The following EFCAB7 variants were observed in gnomAD, a reference collection of about 807,000 sequenced individuals.
The protein encoded by EFCAB7 is EF-hand calcium binding domain 7.
In EFCAB7, 66 loss-of-function variants were observed where a neutral mutation model predicts 77.1. The observed-to-expected ratio is 0.86, with a 90% CI of 0.70 to 1.05. EFCAB7 has a LOEUF of 1.05. EFCAB7 is among the 50% of genes least tolerant of loss of function. The pLI is 0.00. For missense variants in EFCAB7, 638 were observed against 730.5 expected, an observed-to-expected ratio of 0.87 and a Z score of 1.46; for synonymous variants, 225 against 243.3, an observed-to-expected ratio of 0.92 and a Z score of 0.70.
intron 2 of EFCAB7, among the ~76,000 whole-genome samples, chr1:63,526,953 C>T (rs955757550): frequency 1.3e-5 from 2 of 152,080 alleles, no homozygotes; most frequent in Admixed American, 1.3e-4. Flanking sequence ...TTAGTAGAGA[C>T]GGGGTTTTGC....
At position 63,544,013 on chromosome 1, in the gene EFCAB7, A is replaced by G. The variant is rs563078121; in HGVS notation, c.805-1903A>G. On this transcript the variant is annotated intron_variant, in intron 6 of 13. Transcript: ENST00000371088. ...GAGACAGAGGCTCACTCTGTCTCCCAGGCTGGAGTGTAGTGGCATGATCAT... is the reference window on the plus strand; with the variant it reads ...GAGACAGAGGCTCACTCTGTCTCCCGGGCTGGAGTGTAGTGGCATGATCAT... Among the ~76,000 whole-genome samples, 6 of 134,438 alleles carry G rather than the reference A, an allele frequency of 4.5e-5. No individual in the cohort carries two copies. The East Asian group carries it at 1.3e-3, about 29-fold the overall frequency. The allele number at this position is 134,438 out of a possible 152,430, so 88.2% of individuals were successfully genotyped here.
intron 8 of EFCAB7, among the ~76,000 whole-genome samples, chr1:63,552,951 CTTTGT>C (rs975037192): frequency 8.6e-5 from 13 of 152,034 alleles, no homozygotes; most frequent in Admixed American, 1.3e-4. Context: ...GCTGTTTCCA[CTTTGT>C]TTTGGGTAAA....
At chr1:63,562,223 CTG>C (rs1647110302) in intron 11 of EFCAB7, among the ~76,000 whole-genome samples, 1 of 151,342 alleles carries the variant, frequency 6.6e-6, no homozygotes, top group Non-Finnish European at 1.5e-5. Context: ...AATAAGGAGA[CTG>C]TGTCTGCATT....
At chr1:63,561,508 A>G (rs762368138) in intron 10 of EFCAB7, among the ~76,000 whole-genome samples, 2 of 152,192 alleles carry the variant, frequency 1.3e-5, no homozygotes, top group African/African-American at 2.4e-5. Context: ...GTACTACGAT[A>G]TATCTATGCT....
intron 11 of EFCAB7, among the ~76,000 whole-genome samples, chr1:63,565,030 A>T (rs1429853844): frequency 6.6e-6 from 1 of 152,158 alleles, no homozygotes; most frequent in East Asian, 1.9e-4. Context: ...TTGAAACTGG[A>T]CCCCTTCCTT....
At chr1:63,565,031 C>T (rs111505133) in intron 11 of EFCAB7, among the ~76,000 whole-genome samples, 2,690 of 152,248 alleles carry the variant, frequency 0.018, 96 homozygotes, top group African/African-American at 0.061. Context: ...TGAAACTGGA[C>T]CCCTTCCTTA....
chr1:63,533,669 A>C lies in EFCAB7; in HGVS notation c.682+20A>C. The C allele has an allele frequency of 6.6e-7, 1 of 1,506,224 alleles. No homozygotes were observed. 93.3% of individuals were successfully genotyped at this position (1,506,224 alleles called of 1,614,324 possible). ...ATAAAGGTATTTACTTTTAACACTA[A>C]GAATTTCTTGATCAGAAATGAAGAG... On this transcript the variant is annotated intron_variant, in intron 5 of 13. Transcript: ENST00000371088.
intron 10 of EFCAB7, among the ~76,000 whole-genome samples, chr1:63,559,324 A>AAT (rs1247120086): frequency 6.6e-6 from 1 of 151,152 alleles, no homozygotes; most frequent in Admixed American, 6.6e-5. Flanking sequence ...AAAAAAAAAA[A>AAT]ATAGAAATCT....
At chr1:63,575,091 TAAAA>T (rs1185210671), downstream of EFCAB7, among the ~76,000 whole-genome samples, 3 of 152,128 alleles carry the variant, frequency 2.0e-5, no homozygotes, top group Admixed American at 6.5e-5. Context: ...ATTAGCAAAT[TAAAA>T]AAACTAATTA....
At chr1:63,550,087 A>C (rs1646947594) in intron 7 of EFCAB7, 3 of 152,270 alleles carry the variant, frequency 2.0e-5, no homozygotes, top group Admixed American at 2.0e-4. Flanking sequence ...TCTGACAAAA[A>C]ATTTTAAGCC....
intron 11 of EFCAB7, 29 bp from the exon 12 acceptor site, chr1:63,568,281 G>T: frequency 6.5e-7 from 1 of 1,536,154 alleles, no homozygotes; most frequent in Non-Finnish European, 8.8e-7. Flanking sequence ...CTATCAAAAG[G>T]CTGAAACAAG....
chr1:63,528,963 CA>C (rs144879638), intron 2 of EFCAB7, among the ~76,000 whole-genome samples: 17 of 148,872 alleles, frequency 1.1e-4, no homozygotes, highest in Admixed American at 3.3e-4. Flanking sequence ...ATTTTAGAGG[CA>C]AAAAAAAAAT....
chr1:63,554,758 A>G (rs1647009710), intron 8 of EFCAB7, among the ~76,000 whole-genome samples: 1 of 152,200 alleles, frequency 6.6e-6, no homozygotes, highest in South Asian at 2.1e-4. Context: ...TTTATTTGGG[A>G]TTCTGTGTCT....
At chr1:63,535,764 G>A (rs755885237) in intron 6 of EFCAB7, among the ~76,000 whole-genome samples, 65 of 151,944 alleles carry the variant, frequency 4.3e-4, no homozygotes, top group Non-Finnish European at 8.2e-4. Flanking sequence ...TATATACAAA[G>A]GACATTAATA....
intron 8 of EFCAB7, among the ~76,000 whole-genome samples, chr1:63,552,839 C>G (rs1646982784): frequency 1.3e-5 from 2 of 152,106 alleles, no homozygotes; most frequent in South Asian, 4.1e-4. Flanking sequence ...CAAGAATAGG[C>G]AAGAAACAAA....
rs567853569 is a variant in EFCAB7 at position 63,525,190 on chromosome 1, G to T, written c.-1-382G>T. On this transcript the variant is annotated intron_variant, in intron 1 of 13. Coordinates refer to ENST00000371088, the MANE Select transcript of EFCAB7 (RefSeq NM_032437.4). ...TCCTCTTAAAAACCTGATGAAGACT[G>T]TCATCTGACTTTCGTATTTTGAGAG... Among the ~76,000 whole-genome samples the T allele has an allele frequency of 8.5e-5, 13 of 152,220 alleles. No homozygotes were observed. In the South Asian group the frequency reaches 2.7e-3, roughly 32 times the overall value.
At chr1:63,549,776 A>G (rs1176326103) in intron 7 of EFCAB7, 1 of 168,782 alleles carries the variant, frequency 5.9e-6, no homozygotes, top group Non-Finnish European at 1.3e-5. Flanking sequence ...TTGGCAAAAT[A>G]AATATTTAAA....
intron 2 of EFCAB7, 64 bp downstream of exon 2, chr1:63,525,823 G>GTT: frequency 8.9e-7 from 1 of 1,126,580 alleles, no homozygotes; most frequent in South Asian, 1.6e-5. Context: ...AGGTCCGAAA[G>GTT]ACTGAAATTA....
rs762670690 is a variant in EFCAB7, at chr1:63,531,961, C to A, written c.329C>A (p.Ser110Ter). ...ACTTCAAAAGCAGAACTACTAAAAT[C>A]ATTTAAGCAATTAGATGTAAATGAT... is the stretch of plus-strand genomic sequence containing the variant. ...KPTSKAELLK[S>*]FKQLDVNDDG... The change falls in exon 3 of 14, where the codon TCA (serine) becomes TAA (stop). Residue 110 changes from serine (S) to a stop codon, truncating the protein, a stop_gained. Transcript: ENST00000371088. LOFTEE classifies it high-confidence loss of function. The A allele has an allele frequency of 5.0e-6, 8 of 1,612,642 alleles. No homozygotes were observed. Among genetic ancestry groups the A allele is most frequent in the South Asian group, 1.1e-5 (1 of 90,904 alleles).
Sources: gnomAD v4.1 joint callset for allele counts (sites outside exome capture counted in the v4.1 genomes callset) on GRCh38, gnomAD v4.1.1 for gene constraint, MANE v1.5 for transcripts, NCBI Gene and HGNC (gene_info 2026-07-23, HGNC 2026-07-21) for gene names.